SLC6A14: variants seen among roughly 807,000 people sequenced by gnomAD.
SLC6A14 encodes the protein solute carrier family 6 member 14, also known as sodium- and chloride-dependent neutral and basic amino acid transporter B(0+).
SLC6A14 carries 21 observed loss-of-function variants against 51.4 expected under a neutral mutation model. That is an observed-to-expected ratio of 0.41 (90% CI 0.29 to 0.59). The LOEUF (loss-of-function observed/expected upper bound fraction) is 0.59. Among genes scored for constraint, SLC6A14 ranks in the 20% least tolerant of loss-of-function variants. The probability of loss-of-function intolerance (pLI) is 0.31; values close to 1 mark genes in which losing one functional copy is unlikely to be tolerated. For missense variants in SLC6A14, 371 were observed against 472.8 expected (o/e 0.78, Z 2.00); for synonymous variants, 177 against 160.7 (o/e 1.10, Z -0.77).
At position 116,461,252 on chromosome X, in the gene SLC6A14, G is replaced by A. The variant is rs1299686157; in HGVS notation, c.*2297G>A. ...AGCACAGATTTCAACAGAGTGCTTG[G>A]CATATTGTAGGGTGCTCAATGGTGG... On this transcript the variant is annotated 3_prime_UTR_variant, in exon 14 of 14. Transcript: ENST00000598581. The A allele has an allele frequency of 8.8e-6, 1 of 113,107 alleles. No individual in the cohort carries two copies. The highest frequency in any genetic ancestry group is 3.2e-5 in the African/African-American group (1 of 30,826). 9.3% of individuals were successfully genotyped at this position (113,107 alleles called of 1,213,427 possible). A position where few individuals can be genotyped will look rare whatever the true frequency, so the allele number is the denominator to read the frequency against.
At chrX:116,443,203 G>A (rs1422257246) in intron 4 of SLC6A14, among the ~76,000 whole-genome samples, 1 of 111,126 alleles carries the variant, frequency 9.0e-6, no homozygotes, top group African/African-American at 3.3e-5. Flanking sequence ...TTGGGATAAC[G>A]TACCATCCAT....
rs1423406356 is a variant in SLC6A14 at position 116,460,098 on chromosome X, T to G, written c.*1143T>G. 8.9e-6 allele frequency: 1 copy of G among 112,092 alleles called. No individual in the cohort carries two copies. Among genetic ancestry groups the G allele is most frequent in the Non-Finnish European group, 1.9e-5 (1 of 53,226 alleles). 9.2% of individuals were successfully genotyped at this position (112,092 alleles called of 1,213,427 possible). A position where few individuals can be genotyped will look rare whatever the true frequency, so the allele number is the denominator to read the frequency against. On this transcript the variant is annotated 3_prime_UTR_variant, in exon 14 of 14. Transcript: ENST00000598581. ...CCTATGATGATAAACACTGCCTATA[T>G]ATGTAAATAGCTTTTCATCAATTCT...
chrX:116,445,113 T>A, intron 6 of SLC6A14, 63 bp downstream of exon 6: 1 of 1,034,613 alleles, frequency 9.7e-7, no homozygotes, highest in East Asian at 3.3e-5. Flanking sequence ...TAGTTCAATA[T>A]CAAGCATTAC....
chrX:116,446,834 T>C lies in SLC6A14; in HGVS notation c.883T>C (p.Tyr295His). The change falls in exon 7 of 14, where the codon TAC (tyrosine) becomes CAC (histidine). Residue 295 changes from tyrosine (Y) to histidine (H), a missense_variant. Around this residue, in one of 2 missense-constraint regions of SLC6A14, gnomAD observed 277 missense variants for 391.8 expected, o/e 0.71. Transcript: ENST00000598581. ...GGAGGGTGCTTCAAAAGGCATTTCA[T>C]ACTATATTGGAGCCCAGTCAAATTT... ...TLEGASKGIS[Y>H]YIGAQSNFTK... The C allele has an allele frequency of 8.3e-7, 1 of 1,208,802 alleles. No individual in the cohort carries two copies. The highest frequency in any genetic ancestry group is 1.1e-6 in the Non-Finnish European group (1 of 893,023).
At chrX:116,442,945 A>C in intron 4 of SLC6A14, 97 bp downstream of exon 4, 1 of 589,018 alleles carries the variant, frequency 1.7e-6, no homozygotes. Flanking sequence ...ACAATTTTAA[A>C]TGTTCCAAAG....
chrX:116,449,968 A>T (rs1353104256), intron 7 of SLC6A14, among the ~76,000 whole-genome samples: 1 of 112,198 alleles, frequency 8.9e-6, no homozygotes, highest in African/African-American at 3.2e-5. Context: ...TTCACATATC[A>T]CATATATTGA....
In SLC6A14 at chrX:116,453,138, G is replaced by A. The variant is rs782394388; in HGVS notation, c.1281G>A (p.Ser427=). Residue 427 remains serine (S), a synonymous_variant, in exon 9 of 14, where the codon TCG becomes TCA. Transcript: ENST00000598581. ...LTLGLDSQFA[S]IETITTTIQD... is the part of the protein sequence containing the mutation. ...TGGGTCTCGATTCTCAGTTTGCTTC[G>A]ATTGGTAAGTAATACTTCCAGTGGT... is the stretch of plus-strand genomic sequence containing the variant. 1.7e-6 allele frequency: 2 copies of A among 1,195,959 alleles called. No individual in the cohort carries two copies. Among genetic ancestry groups the A allele is most frequent in the Non-Finnish European group, 2.3e-6 (2 of 886,752 alleles).
At chrX:116,441,739 C>T (rs550154388) in intron 3 of SLC6A14, among the ~76,000 whole-genome samples, 5 of 111,908 alleles carry the variant, frequency 4.5e-5, no homozygotes, top group African/African-American at 1.6e-4. Context: ...GAGAAACTAC[C>T]TTAAAAGCTA....
intron 3 of SLC6A14, among the ~76,000 whole-genome samples, 159 bp from the exon 4 acceptor site, chrX:116,442,528 G>C (rs1163859046): frequency 8.9e-6 from 1 of 112,079 alleles, no homozygotes; most frequent in East Asian, 2.8e-4. Flanking sequence ...GCCTTGAAAA[G>C]TACTAGGATT....
chrX:116,458,452 G>C (rs1556694932), intron 13 of SLC6A14, among the ~76,000 whole-genome samples: 1 of 111,425 alleles, frequency 9.0e-6, no homozygotes, highest in African/African-American at 3.3e-5. Flanking sequence ...TAGATCCTCA[G>C]CTCGTCCTCA....
rs782394388 is a variant in SLC6A14, at chrX:116,453,138, G to T, written c.1281G>T (p.Ser427=). 2.2e-5 allele frequency: 26 copies of T among 1,193,728 alleles called. No homozygotes were observed. Among genetic ancestry groups the T allele is most frequent in the Non-Finnish European group, 2.6e-5 (23 of 886,322 alleles). Residue 427 remains serine (S), a synonymous_variant, in exon 9 of 14, where the codon TCG becomes TCT. Coordinates refer to ENST00000598581, the MANE Select transcript of SLC6A14 (RefSeq NM_007231.5). ...LTLGLDSQFA[S]IETITTTIQD... Reference sequence around the variant, plus strand: ...TGGGTCTCGATTCTCAGTTTGCTTCGATTGGTAAGTAATACTTCCAGTGGT... The same window carrying T: ...TGGGTCTCGATTCTCAGTTTGCTTCTATTGGTAAGTAATACTTCCAGTGGT...
At chrX:116,443,409 A>T (rs1927638327) in intron 4 of SLC6A14, among the ~76,000 whole-genome samples, 1 of 111,613 alleles carries the variant, frequency 9.0e-6, no homozygotes, top group Non-Finnish European at 1.9e-5. Context: ...TGTTACTATA[A>T]ATACAATCAC....
chrX:116,440,751 C>T (rs1353714279), intron 2 of SLC6A14, among the ~76,000 whole-genome samples: 1 of 111,842 alleles, frequency 8.9e-6, no homozygotes, highest in African/African-American at 3.3e-5. Flanking sequence ...ACAACAGCCT[C>T]ATTAGGTAAT....
intron 7 of SLC6A14, among the ~76,000 whole-genome samples, chrX:116,450,175 G>A (rs1927795469): frequency 9.0e-6 from 1 of 110,788 alleles, no homozygotes; most frequent in African/African-American, 3.3e-5. Context: ...CAAAAACTTT[G>A]GTTCATCAAA....
intron 2 of SLC6A14, among the ~76,000 whole-genome samples, 194 bp from the exon 3 acceptor site, chrX:116,440,772 C>T (rs60716815): frequency 0.013 from 1,474 of 111,759 alleles, 24 homozygotes; most frequent in African/African-American, 0.045. Flanking sequence ...ACTAGCATCC[C>T]CATTTCATAG....
At chrX:116,441,776 C>A in intron 3 of SLC6A14, among the ~76,000 whole-genome samples, 1 of 111,772 alleles carries the variant, frequency 8.9e-6, no homozygotes, top group South Asian at 3.7e-4. Flanking sequence ...TTATATTCAG[C>A]ACGCTAAACT....
chrX:116,453,242 A>G, intron 9 of SLC6A14, 100 bp downstream of exon 9: 1 of 660,670 alleles, frequency 1.5e-6, no homozygotes, highest in East Asian at 3.7e-5. Flanking sequence ...TACCCCCTCT[A>G]GCTGTTAATC....
Position 116,436,744 on chromosome X carries a change from G to A in SLC6A14, c.35G>A (p.Cys12Tyr). ...TTGAAATGCCCGAGTTTCTTCAAGT[G>A]CAGGGAGAAGGAGGTAGGGGTCTGG... The part of the protein sequence containing the change: ...DKLKCPSFFK[C>Y]REKEKVSASS... Residue 12 changes from cysteine (C) to tyrosine (Y), a missense_variant, in exon 1 of 14, where the codon TGC (cysteine) becomes TAC (tyrosine). This residue lies in a region of SLC6A14 where 277 missense variants were observed against 391.8 expected (regional missense o/e 0.71). Coordinates refer to ENST00000598581, the MANE Select transcript of SLC6A14 (RefSeq NM_007231.5). The A allele has an allele frequency of 8.6e-7, 1 of 1,165,730 alleles. No homozygotes were observed. Among genetic ancestry groups the A allele is most frequent in the Non-Finnish European group, 1.1e-6 (1 of 871,880 alleles).
At chrX:116,440,857 T>C (rs1472148452) in intron 2 of SLC6A14, 109 bp from the exon 3 acceptor site, 5 of 839,176 alleles carry the variant, frequency 6.0e-6, no homozygotes, top group African/African-American at 2.1e-5. Context: ...AACCCAGCGC[T>C]CTTTGATTCC....
Sources: gnomAD v4.1 joint callset for allele counts (sites outside exome capture counted in the v4.1 genomes callset) on GRCh38, gnomAD v4.1.1 for gene constraint, gnomAD v4.1.1 regional missense constraint, MANE v1.5 for transcripts, NCBI Gene and HGNC (gene_info 2026-07-23, HGNC 2026-07-21) for gene names.